VAMP7: variants seen among roughly 807,000 people sequenced by gnomAD.
The protein encoded by VAMP7 is vesicle associated membrane protein 7, also known as vesicle-associated membrane protein 7.
VAMP7 carries 14 observed loss-of-function variants against 29.6 expected under a neutral mutation model. The observed-to-expected ratio is 0.47, with a 90% CI of 0.31 to 0.74. The LOEUF (loss-of-function observed/expected upper bound fraction) is 0.74, where lower values mean the gene tolerates loss of function less well. Among genes scored for constraint, VAMP7 ranks in the 30% least tolerant of loss-of-function variants. The pLI, the probability that VAMP7 is intolerant of heterozygous loss-of-function variation, is 0.05. For synonymous variants in VAMP7, 95 were observed against 88.1 expected (o/e 1.08, Z -0.44); for missense variants, 223 against 262.4 (o/e 0.85, Z 1.04).
At chrX:155,930,852 CCTT>C (rs1288804691) in intron 6 of VAMP7, among the ~76,000 whole-genome samples, 1 of 151,782 alleles carries the variant, frequency 6.6e-6, no homozygotes, top group African/African-American at 2.4e-5. Context: ...AAATGCTATC[CCTT>C]CCCCCTCCCA....
rs574040447 is a variant in VAMP7 at position 155,930,544 on chromosome X, G to A, written c.502-9157G>A. Among the ~76,000 whole-genome samples the A allele has an allele frequency of 2.4e-4, 37 of 151,548 alleles. 1 individual carries two copies. In the South Asian group the frequency reaches 7.7e-3, roughly 32 times the overall value. ...GTGCACCTGTAGTCCTAGCTACTTGGGGGGCTGAAGATGGAGAATTGCTTG... is the reference window on the plus strand; with the variant it reads ...GTGCACCTGTAGTCCTAGCTACTTGAGGGGCTGAAGATGGAGAATTGCTTG... On this transcript the variant is annotated intron_variant, in intron 6 of 7. Coordinates refer to ENST00000286448, the MANE Select transcript of VAMP7 (RefSeq NM_005638.6).
At chrX:155,914,923 T>C (rs376383251) in intron 5 of VAMP7, among the ~76,000 whole-genome samples, 61 of 152,318 alleles carry the variant, frequency 4.0e-4, no homozygotes, top group African/African-American at 1.4e-3. Flanking sequence ...TTTGGAATAG[T>C]TTCAGAAGGA....
Position 155,942,141 on chromosome X carries a change from C to T in VAMP7, c.*190C>T, listed in dbSNP as rs1234584328. ...TTATCTACCAGTTTATTCCTGTGAACTTCAGATTGAACCATTCATTGCAGC... is the reference window on the plus strand; with the variant it reads ...TTATCTACCAGTTTATTCCTGTGAATTTCAGATTGAACCATTCATTGCAGC... On this transcript the variant is annotated 3_prime_UTR_variant, in exon 8 of 8. Coordinates refer to ENST00000286448, the MANE Select transcript of VAMP7 (RefSeq NM_005638.6). 2 of 1,551,288 alleles carry T rather than the reference C, an allele frequency of 1.3e-6. No homozygotes were observed. Among genetic ancestry groups the T allele is most frequent in the South Asian group, 2.4e-5 (2 of 84,068 alleles).
chrX:155,900,571 C>G lies in VAMP7; in HGVS notation c.417C>G (p.Ile139Met). The change falls in exon 5 of 8, where the codon ATC becomes ATG. Residue 139 changes from isoleucine to methionine, a missense_variant. Physicochemically the swap from Ile to Met is conservative, Grantham distance 10. Coordinates refer to ENST00000286448, the MANE Select transcript of VAMP7 (RefSeq NM_005638.6). ...TQAQVDELKG[I>M]MVRNIDLVAQ... ...CCCAAGTGGATGAACTGAAAGGAAT[C>G]ATGGTCAGAAACATAGGTATGTTTC... The G allele has an allele frequency of 6.2e-7, 1 of 1,608,180 alleles. No homozygotes were observed. Among genetic ancestry groups the G allele is most frequent in the South Asian group, 1.1e-5 (1 of 89,820 alleles).
intron 6 of VAMP7, among the ~76,000 whole-genome samples, chrX:155,933,895 TTG>T: frequency 6.6e-6 from 1 of 152,312 alleles, no homozygotes; most frequent in South Asian, 2.1e-4. Context: ...TTCTGGTATG[TTG>T]TGTCTTTGTT....
At chrX:155,891,514 C>T (rs1183968626) in intron 2 of VAMP7, among the ~76,000 whole-genome samples, 1 of 152,132 alleles carries the variant, frequency 6.6e-6, no homozygotes, top group African/African-American at 2.4e-5. Context: ...CCAGCCTAAC[C>T]CAGTAGACAA....
At chrX:155,939,086 T>TA (rs1382428118) in intron 6 of VAMP7, among the ~76,000 whole-genome samples, 1 of 94 alleles carries the variant, frequency 0.011, no homozygotes, top group African/African-American at 0.038. Context: ...TGCATACATC[T>TA]GTGGGACCAT....
At chrX:155,910,160 T>C (rs1325909991) in intron 5 of VAMP7, among the ~76,000 whole-genome samples, 1 of 152,142 alleles carries the variant, frequency 6.6e-6, no homozygotes, top group Non-Finnish European at 1.5e-5. Flanking sequence ...TCTACCTCCA[T>C]GAGATCAACT....
At chrX:155,909,145 G>A (rs140750844) in intron 5 of VAMP7, among the ~76,000 whole-genome samples, 447 of 152,164 alleles carry the variant, frequency 2.9e-3, no homozygotes, top group Non-Finnish European at 5.2e-3. Context: ...TAAAATTACT[G>A]ATTTAGTCTC....
chrX:155,940,611 T>A (rs965104805), intron 7 of VAMP7, among the ~76,000 whole-genome samples: 4 of 152,210 alleles, frequency 2.6e-5, no homozygotes, highest in Admixed American at 2.6e-4. Context: ...CAGAATATAT[T>A]TACTGATTAC....
At chrX:155,899,461 A>T (rs1044769339) in intron 4 of VAMP7, among the ~76,000 whole-genome samples, 21 of 151,720 alleles carry the variant, frequency 1.4e-4, no homozygotes, top group African/African-American at 3.9e-4. Flanking sequence ...TTGTGAGTTT[A>T]AAAAAAAGCT....
intron 6 of VAMP7, among the ~76,000 whole-genome samples, chrX:155,938,197 C>CT (rs1232502827): frequency 6.6e-6 from 1 of 152,026 alleles, no homozygotes; most frequent in African/African-American, 2.4e-5. Flanking sequence ...GTCCCCATTG[C>CT]TTTTTTTGTC....
At chrX:155,941,215 T>G (rs1453686538) in intron 7 of VAMP7, among the ~76,000 whole-genome samples, 2 of 152,116 alleles carry the variant, frequency 1.3e-5, no homozygotes, top group Admixed American at 1.3e-4. Context: ...TTAAAATCTA[T>G]TTTTTGTGAT....
rs774686449 is a variant in VAMP7 at position 155,921,259 on chromosome X, C to T, written c.501+1379C>T. Among the ~76,000 whole-genome samples, 3 of 152,176 alleles carry T rather than the reference C, an allele frequency of 2.0e-5. No individual in the cohort carries two copies. The East Asian group carries it at 5.8e-4, about 29-fold the overall frequency. On this transcript the variant is annotated intron_variant, in intron 6 of 7. Transcript: ENST00000286448. The stretch of plus-strand genomic sequence containing the variant: ...TCTCTCTTTATGGTAGAATAACATA[C>T]GTGCAGCAAATTGTATCAAGTGTAC...
At chrX:155,894,760 C>T (rs2065966244) in intron 2 of VAMP7, among the ~76,000 whole-genome samples, 1 of 151,914 alleles carries the variant, frequency 6.6e-6, no homozygotes, top group South Asian at 2.1e-4. Flanking sequence ...GGACTATAGG[C>T]GTGTGCCACC....
intron 6 of VAMP7, among the ~76,000 whole-genome samples, chrX:155,922,380 G>GT (rs2066408992): frequency 6.6e-6 from 1 of 151,870 alleles, no homozygotes; most frequent in African/African-American, 2.4e-5. Context: ...TAGATTTTTT[G>GT]TAGGTACCCT....
Position 155,901,435 on chromosome X carries a change from A to G in VAMP7, c.433+848A>G, listed in dbSNP as rs142759974. On this transcript the variant is annotated intron_variant, in intron 5 of 7. Transcript: ENST00000286448. ...ATTGCTACAATATTATTTATTGCAG[A>G]TGCATAAAGTTTCCAGAAAAATCAA... Among the ~76,000 whole-genome samples, 475 of 152,174 alleles carry G rather than the reference A, an allele frequency of 3.1e-3. 14 individuals are homozygous for G. In the East Asian group the frequency reaches 0.045, roughly 14 times the overall value.
chrX:155,901,213 TAATC>T (rs1235575754), intron 5 of VAMP7, among the ~76,000 whole-genome samples: 5 of 152,098 alleles, frequency 3.3e-5, no homozygotes, highest in African/African-American at 9.7e-5. Context: ...ATGGGATTAA[TAATC>T]AAAATGCGCA....
At position 155,884,129 on chromosome X, in the gene VAMP7, C is replaced by CT. The variant is rs966495941; in HGVS notation, c.-10+2691dup. 1.4e-3 allele frequency among the ~76,000 whole-genome samples: 205 copies of CT among 149,690 alleles called. 1 individual carries two copies. Among genetic ancestry groups the CT allele is most frequent in the African/African-American group, 4.7e-3 (191 of 40,806 alleles). On this transcript the variant is annotated intron_variant, in intron 1 of 7. Coordinates refer to ENST00000286448, the MANE Select transcript of VAMP7 (RefSeq NM_005638.6). ...AAAAGCCTCAAGTATTAAAATTAAACTTTTTTTTTTCTTTTGAGACAGAGT... is the reference window on the plus strand; with the variant it reads ...AAAAGCCTCAAGTATTAAAATTAAACTTTTTTTTTTTCTTTTGAGACAGAGT...
Sources: gnomAD v4.1 joint callset for allele counts (sites outside exome capture counted in the v4.1 genomes callset) on GRCh38, gnomAD v4.1.1 for gene constraint, MANE v1.5 for transcripts, NCBI Gene and HGNC (gene_info 2026-07-23, HGNC 2026-07-21) for gene names.